MTMR10: variants seen among roughly 807,000 people sequenced by gnomAD.
MTMR10 encodes myotubularin-related protein 10.
A neutral mutation model predicts 88.1 loss-of-function variants in MTMR10; 56 were observed. That is an observed-to-expected ratio of 0.64 (90% CI 0.51 to 0.79). The LOEUF is 0.79. Ranked by LOEUF, MTMR10 falls within the 30% of genes least tolerant of loss-of-function variation. The pLI is 0.00. For synonymous variants in MTMR10, 380 were observed against 340.9 expected, an observed-to-expected ratio of 1.11 and a Z score of -1.26; for missense variants, 883 against 924.7, an observed-to-expected ratio of 0.95 and a Z score of 0.58.
At chr15:30,920,293 C>T in the MTMR10 span, among the ~76,000 whole-genome samples, 2 of 152,214 alleles carry the variant, frequency 1.3e-5, no homozygotes, top group Non-Finnish European at 2.9e-5. Context: ...CTGGGTTTGG[C>T]TGTGGGCCGG....
chr15:30,925,957 C>T, the MTMR10 span: 2 of 1,613,514 alleles, frequency 1.2e-6, no homozygotes, highest in Non-Finnish European at 1.7e-6. Context: ...AGCAGGCTTT[C>T]TCTTGTGGCA....
At chr15:30,922,170 G>A in the MTMR10 span, 17 of 1,575,810 alleles carry the variant, frequency 1.1e-5, no homozygotes, top group African/African-American at 1.4e-5. Flanking sequence ...CTATGGGCTT[G>A]TAAATATCAT....
chr15:30,944,050 A>T, intron 14 of MTMR10: 1 of 971,958 alleles, frequency 1.0e-6, no homozygotes, highest in Non-Finnish European at 1.2e-6. Flanking sequence ...ATTTATTTGG[A>T]AATTATTAAA....
At chr15:30,919,200 G>T in the MTMR10 span, among the ~76,000 whole-genome samples, 2 of 151,912 alleles carry the variant, frequency 1.3e-5, no homozygotes, top group African/African-American at 2.4e-5. Flanking sequence ...GACCAACATG[G>T]AGAAACCTCG....
chr15:30,930,519 A>T, the MTMR10 span: 2 of 1,570,092 alleles, frequency 1.3e-6, no homozygotes, highest in Non-Finnish European at 8.6e-7. Flanking sequence ...GGAAGTGGCT[A>T]ACTGTCCTGT....
At chr15:30,943,105 T>TAAAG (rs762776142) in intron 14 of MTMR10, 33 bp from the exon 15 acceptor site, 4 of 1,524,984 alleles carry the variant, frequency 2.6e-6, no homozygotes, top group Non-Finnish European at 3.5e-6. Context: ...TTTGCAAAAC[T>TAAAG]AAAGATTCTC....
At chr15:30,931,680 T>C in the MTMR10 span, among the ~76,000 whole-genome samples, 2,222 of 152,332 alleles carry the variant, frequency 0.015, 18 homozygotes, top group Non-Finnish European at 0.024. Context: ...AAGAAGACCA[T>C]GCTTCCTCCA....
intron 9 of MTMR10, among the ~76,000 whole-genome samples, chr15:30,957,103 T>C (rs1291679710): frequency 6.6e-6 from 1 of 152,230 alleles, no homozygotes; most frequent in Non-Finnish European, 1.5e-5. Context: ...CAAAAAGGAC[T>C]GTGATACACA....
intron 2 of MTMR10, among the ~76,000 whole-genome samples, chr15:30,984,914 T>C (rs2030843353): frequency 6.6e-6 from 1 of 152,198 alleles, no homozygotes; most frequent in Non-Finnish European, 1.5e-5. Context: ...TTAGGTGACC[T>C]TCCTCTGAGC....
At chr15:30,966,736 T>C (rs1249851932) in intron 6 of MTMR10, among the ~76,000 whole-genome samples, 3 of 152,112 alleles carry the variant, frequency 2.0e-5, no homozygotes, top group Admixed American at 1.3e-4. Flanking sequence ...CAATTATGTA[T>C]ATATCGATAA....
At chr15:30,986,588 G>A (rs2030954878) in intron 2 of MTMR10, among the ~76,000 whole-genome samples, 2 of 152,232 alleles carry the variant, frequency 1.3e-5, no homozygotes, top group South Asian at 4.2e-4. Context: ...AAGTAAGTTA[G>A]AAGAACATAA....
chr15:30,957,253 C>T (rs1381483718), intron 9 of MTMR10, among the ~76,000 whole-genome samples: 5 of 152,178 alleles, frequency 3.3e-5, no homozygotes, highest in Admixed American at 2.0e-4. Flanking sequence ...AGTCCCTCAT[C>T]TCATGGAGTA....
At chr15:30,928,461 C>T in the MTMR10 span, 8 of 1,548,660 alleles carry the variant, frequency 5.2e-6, no homozygotes, top group Middle Eastern at 1.1e-3. Context: ...ATTGAGTGTG[C>T]AGTAGGTTAT....
rs1392702351 is a variant in MTMR10, at chr15:30,961,004, C to T, written c.635G>A (p.Gly212Asp). ...GAGTGGAGTTTTCTGGCTGCTGCCA[C>T]CACCAGCTCCATTACCTCCTCCTCC... ...GGGGGGNGAG[G>D]GSSQKTPLFE... Residue 212 changes from glycine (G) to aspartate (D), a missense_variant, in exon 7 of 16, where the codon GGT becomes GAT. Transcript: ENST00000435680. 1.3e-6 allele frequency: 2 copies of T among 1,579,570 alleles called. No individual in the cohort carries two copies. Among genetic ancestry groups the T allele is most frequent in the Non-Finnish European group, 1.7e-6 (2 of 1,161,366 alleles).
chr15:30,974,898 TG>T, intron 4 of MTMR10, 32 bp downstream of exon 4: 1 of 1,332,200 alleles, frequency 7.5e-7, no homozygotes, highest in Non-Finnish European at 1.0e-6. Context: ...AGAGTGGAAT[TG>T]ACTTTTAGAG....
Position 30,974,966 on chromosome 15 carries a change from T to G in MTMR10, c.296A>C (p.Asp99Ala). ...TTGCTCAATACATGTTAAAGGGACA[T>G]CGTGTTCACCAAGAAGAAGGTTTCT... ...HYRNLLLGEHDVPLTCIEQIV... is the reference protein window; with the variant it reads ...HYRNLLLGEHAVPLTCIEQIV... Residue 99 changes from aspartate (D) to alanine (A), a missense_variant, in exon 4 of 16, where the codon GAT becomes GCT. Asp to Ala is a moderately radical substitution (Grantham distance 126, BLOSUM62 -2). This residue lies in a region of MTMR10 where 414 missense variants were observed against 423.2 expected (regional missense o/e 0.98). Coordinates refer to ENST00000435680, the MANE Select transcript of MTMR10 (RefSeq NM_017762.3). 6.3e-7 allele frequency: 1 copy of G among 1,579,064 alleles called. No homozygotes were observed. The highest frequency in any genetic ancestry group is 1.2e-5 in the South Asian group (1 of 86,072).
chr15:30,988,057 A>G (rs2031066069), intron 2 of MTMR10, among the ~76,000 whole-genome samples: 1 of 152,214 alleles, frequency 6.6e-6, no homozygotes, highest in African/African-American at 2.4e-5. Context: ...AGCCTAGTCT[A>G]GGTCTTTAGA....
chr15:30,928,484 G>T, the MTMR10 span: 1 of 1,576,290 alleles, frequency 6.3e-7, no homozygotes, highest in South Asian at 1.2e-5. Flanking sequence ...TGGTGTTTTG[G>T]AAGAAACAGA....
chr15:30,927,793 C>T, the MTMR10 span: 1 of 985,666 alleles, frequency 1.0e-6, no homozygotes, highest in Non-Finnish European at 1.2e-6. Flanking sequence ...GCTGGATGAG[C>T]TGGGGCTTGC....
Sources: allele counts gnomAD v4.1 joint callset (sites outside exome capture counted in the v4.1 genomes callset), GRCh38; gene constraint gnomAD v4.1.1; regional missense constraint gnomAD v4.1.1; transcripts MANE v1.5; gene names NCBI Gene and HGNC (gene_info 2026-07-23, HGNC 2026-07-21).